COLEC12: variants seen among roughly 807,000 people sequenced by gnomAD.
The protein encoded by COLEC12 is collectin-12.
In COLEC12, 33 loss-of-function variants were observed where a neutral mutation model predicts 71.1. That is an observed-to-expected ratio of 0.46 (90% CI 0.35 to 0.62). The LOEUF is 0.62. Among genes scored for constraint, COLEC12 ranks in the 20% least tolerant of loss-of-function variants. The probability of loss-of-function intolerance (pLI) is 0.00; values close to 1 mark genes in which losing one functional copy is unlikely to be tolerated. For missense variants in COLEC12, 765 were observed against 916.1 expected (o/e 0.84, Z 2.13); for synonymous variants, 350 against 353.0 (o/e 0.99, Z 0.10).
intron 2 of COLEC12, among the ~76,000 whole-genome samples, chr18:454,295 C>T (rs554643232): frequency 7.2e-5 from 11 of 152,312 alleles, no homozygotes; most frequent in Admixed American, 2.0e-4. Context: ...GGCTACGATG[C>T]GCTTCCCAAA....
chr18:372,736 G>C (rs1237457513), intron 2 of COLEC12, among the ~76,000 whole-genome samples: 1 of 152,130 alleles, frequency 6.6e-6, no homozygotes, highest in African/African-American at 2.4e-5. Context: ...TTGTTTAACT[G>C]ACACAGGATA....
intron 2 of COLEC12, among the ~76,000 whole-genome samples, chr18:431,688 G>A (rs1485796431): frequency 6.6e-6 from 1 of 152,196 alleles, no homozygotes; most frequent in Non-Finnish European, 1.5e-5. Context: ...GCAATAAGCA[G>A]TTAAGAAAAC....
chr18:340,210 T>C (rs1914219222), intron 5 of COLEC12, among the ~76,000 whole-genome samples: 1 of 152,120 alleles, frequency 6.6e-6, no homozygotes, highest in African/African-American at 2.4e-5. Context: ...CATTTGAGGT[T>C]TGCTTTCAAA....
In COLEC12 at chr18:327,644, G is replaced by A. The variant is rs968418895; in HGVS notation, c.2063+4024C>T. Among the ~76,000 whole-genome samples, 2 of 152,220 alleles carry A rather than the reference G, an allele frequency of 1.3e-5. No individual in the cohort carries two copies. The highest frequency in any genetic ancestry group is 4.8e-5 in the African/African-American group (2 of 41,448). On this transcript the variant is annotated intron_variant, in intron 8 of 9. Transcript: ENST00000400256. The surrounding 1 kb of genome is among the most constrained non-coding windows in gnomAD (Gnocchi z 4.0). ...ACCAGGTCTCAGCATGAAAAATGAG[G>A]TGAGGCCGAGACGCAGAGGAGAGAG...
At chr18:350,313 A>AG (rs2143483500) in intron 3 of COLEC12, among the ~76,000 whole-genome samples, 1 of 152,196 alleles carries the variant, frequency 6.6e-6, no homozygotes, top group South Asian at 2.1e-4. Context: ...CCGTGTAAGA[A>AG]GTGCCTTTTG....
intron 2 of COLEC12, among the ~76,000 whole-genome samples, chr18:417,308 A>G (rs1417967218): frequency 6.6e-6 from 1 of 152,230 alleles, no homozygotes; most frequent in Non-Finnish European, 1.5e-5. Flanking sequence ...AAAAGGTACA[A>G]TAAAAATATG....
At chr18:489,469 T>C (rs1917580683) in intron 1 of COLEC12, among the ~76,000 whole-genome samples, 1 of 152,180 alleles carries the variant, frequency 6.6e-6, no homozygotes, top group Non-Finnish European at 1.5e-5. Context: ...GTATATATCC[T>C]AACCTAACTC....
At chr18:439,510 T>G (rs1196061281) in intron 2 of COLEC12, among the ~76,000 whole-genome samples, 1 of 150,902 alleles carries the variant, frequency 6.6e-6, no homozygotes, top group African/African-American at 2.4e-5. Flanking sequence ...TTTTTTTTTT[T>G]GCACTTTTCC....
At chr18:493,383 C>G (rs1917653184) in intron 1 of COLEC12, among the ~76,000 whole-genome samples, 1 of 152,190 alleles carries the variant, frequency 6.6e-6, no homozygotes, top group Admixed American at 6.5e-5. Context: ...TCTTTTAAGA[C>G]ATTTTTCTTT....
At chr18:449,556 C>T (rs1916717702) in intron 2 of COLEC12, among the ~76,000 whole-genome samples, 1 of 152,224 alleles carries the variant, frequency 6.6e-6, no homozygotes, top group Non-Finnish European at 1.5e-5. Flanking sequence ...ACTGCTTTTA[C>T]AGAAAGAGAC....
Position 364,250 on chromosome 18 carries a change from G to A in COLEC12, c.59-6728C>T, listed in dbSNP as rs116068607. On this transcript the variant is annotated intron_variant, in intron 2 of 9. Coordinates refer to ENST00000400256, the MANE Select transcript of COLEC12 (RefSeq NM_130386.3). ...CCCTGCCTACTAAAAAAGAATTGTC[G>A]TAGGCAAAAGCCAGATGTAACGGTC... is the stretch of plus-strand genomic sequence containing the variant. Among the ~76,000 whole-genome samples the A allele has an allele frequency of 4.9e-3, 750 of 152,146 alleles. 13 individuals carry two copies. Among genetic ancestry groups the A allele is most frequent in the African/African-American group, 0.017 (714 of 41,504 alleles).
chr18:488,702 G>A (rs572128312), intron 1 of COLEC12, among the ~76,000 whole-genome samples: 80 of 151,734 alleles, frequency 5.3e-4, no homozygotes, highest in Middle Eastern at 3.4e-3. Context: ...GTGAAACCCC[G>A]TCTCTACTAA....
intron 2 of COLEC12, among the ~76,000 whole-genome samples, chr18:461,772 C>T (rs527888679): frequency 2.0e-5 from 3 of 152,086 alleles, no homozygotes; most frequent in Non-Finnish European, 4.4e-5. Context: ...CAAGTAGCCA[C>T]ATTTTCGAGT....
intron 3 of COLEC12, among the ~76,000 whole-genome samples, chr18:354,100 T>A (rs536263917): frequency 6.6e-6 from 1 of 152,328 alleles, no homozygotes; most frequent in South Asian, 2.1e-4. Context: ...GATAATGGAG[T>A]AGGATTTTCC....
chr18:383,827 C>T (rs1195667217), intron 2 of COLEC12, among the ~76,000 whole-genome samples: 4 of 152,138 alleles, frequency 2.6e-5, no homozygotes, highest in Non-Finnish European at 5.9e-5. Flanking sequence ...GTATAATTGA[C>T]TCACAGTTCC....
chr18:429,355 A>G (rs17564131), intron 2 of COLEC12, among the ~76,000 whole-genome samples: 28,135 of 151,868 alleles, frequency 0.19, 2,891 homozygotes, highest in Middle Eastern at 0.24. Flanking sequence ...AATAACACAA[A>G]CTATTTTTTT....
chr18:444,309 T>C (rs1485983838), intron 2 of COLEC12, among the ~76,000 whole-genome samples: 1 of 152,244 alleles, frequency 6.6e-6, no homozygotes, highest in African/African-American at 2.4e-5. Flanking sequence ...CAAATGTTTA[T>C]TTTTGTTTAT....
chr18:379,080 C>CA (rs891587626), intron 2 of COLEC12, among the ~76,000 whole-genome samples: 3 of 151,998 alleles, frequency 2.0e-5, no homozygotes, highest in Admixed American at 6.6e-5. Flanking sequence ...AGGGATGGTG[C>CA]AATCTTTTTA....
chr18:335,174 G>A lies in COLEC12; in HGVS notation c.1384C>T (p.Pro462Ser), dbSNP rs1411708438. 2 of 1,611,870 alleles carry A rather than the reference G, an allele frequency of 1.2e-6. No individual in the cohort carries two copies. Among genetic ancestry groups the A allele is most frequent in the Non-Finnish European group, 1.7e-6 (2 of 1,179,284 alleles). Reference protein sequence around the residue: ...GDRGSQGPPGPTGNKGQKGEK... With the variant: ...GDRGSQGPPGSTGNKGQKGEK... ...CCTTTCTGTCCCTTGTTGCCAGTTG[G>A]GCCAGGGGGTCCCTGGGATCCTCTG... is the stretch of plus-strand genomic sequence containing the variant. The change falls in exon 6 of 10, where the codon CCA (proline) becomes TCA (serine). Residue 462 changes from proline to serine, a missense_variant. Pro to Ser is a moderately conservative substitution (Grantham distance 74). Coordinates refer to ENST00000400256, the MANE Select transcript of COLEC12 (RefSeq NM_130386.3).
Sources: gnomAD v4.1 joint callset for allele counts (sites outside exome capture counted in the v4.1 genomes callset) on GRCh38, gnomAD v4.1.1 for gene constraint, Gnocchi (gnomAD v3.1) non-coding constraint, MANE v1.5 for transcripts, NCBI Gene and HGNC (gene_info 2026-07-23, HGNC 2026-07-21) for gene names.